The following FOXA3 variants were observed in gnomAD, a reference collection of about 807,000 sequenced individuals.
The protein encoded by FOXA3 is forkhead box A3, also known as hepatocyte nuclear factor 3-gamma.
FOXA3 carries 11 observed loss-of-function variants against 16.9 expected under a neutral mutation model. The ratio of observed to expected loss-of-function variants is 0.65; its 90% CI spans 0.41 to 1.08. The LOEUF is 1.08. Among genes scored for constraint, FOXA3 ranks in the 50% least tolerant of loss-of-function variants. The pLI, the probability that FOXA3 is intolerant of heterozygous loss-of-function variation, is 0.00. For synonymous variants in FOXA3, 217 were observed against 203.3 expected, an observed-to-expected ratio of 1.07 and a Z score of -0.57; for missense variants, 423 against 470.1, an observed-to-expected ratio of 0.90 and a Z score of 0.93.
At chr19:45,870,676 C>T (rs1966896597) in intron 1 of FOXA3, among the ~76,000 whole-genome samples, 1 of 150,272 alleles carries the variant, frequency 6.7e-6, no homozygotes, top group Non-Finnish European at 1.5e-5. Flanking sequence ...CTCAAGCGAT[C>T]CTCCTGCCTC....
In FOXA3 at chr19:45,872,439, A is replaced by G. The variant is rs751423514; in HGVS notation, c.434A>G (p.Gln145Arg). The change falls in exon 2 of 2, where the codon CAG becomes CGG. Residue 145 changes from glutamine to arginine, a missense_variant. Gln to Arg is a conservative substitution (Grantham distance 43). Around this residue, in one of 3 missense-constraint regions of FOXA3, gnomAD observed 85 missense variants for 136.9 expected, o/e 0.62. Transcript: ENST00000302177. This position sits in a 1 kb window ranked among gnomAD's most constrained non-coding sequence, Gnocchi z 4.5. ...ATGCTGACCTTGAGTGAAATCTACC[A>G]GTGGATCATGGACCTCTTCCCTTAC... ...GKMLTLSEIY[Q>R]WIMDLFPYYR... 6.8e-6 allele frequency: 11 copies of G among 1,614,090 alleles called. No individual in the cohort carries two copies. Among genetic ancestry groups the G allele is most frequent in the Non-Finnish European group, 9.3e-6 (11 of 1,180,038 alleles).
intron 1 of FOXA3, among the ~76,000 whole-genome samples, chr19:45,868,033 C>T (rs957619416): frequency 3.0e-5 from 4 of 134,392 alleles, no homozygotes; most frequent in Admixed American, 1.5e-4. Context: ...GAAAACAATG[C>T]GGGGGTGGGG....
intron 1 of FOXA3, among the ~76,000 whole-genome samples, chr19:45,871,493 G>A (rs1258995648): frequency 1.3e-5 from 2 of 151,304 alleles, no homozygotes; most frequent in Non-Finnish European, 2.9e-5. Context: ...TTGGGAGGCC[G>A]AGGCGGGCAG....
rs1005769337 is a variant in FOXA3, at chr19:45,872,631, G to A, written c.626G>A (p.Arg209His). ...TTTGAGAATGGCTGCTACCTGCGCC[G>A]CCAGAAACGCTTCAAGCTGGAGGAG... ...NMFENGCYLR[R>H]QKRFKLEEKV... is the part of the protein sequence containing the mutation. Residue 209 changes from arginine to histidine, a missense_variant, in exon 2 of 2, where the codon CGC becomes CAC. By Grantham distance (29) the Arg-to-His change is conservative. This residue lies in a region of FOXA3 where 85 missense variants were observed against 136.9 expected (regional missense o/e 0.62). Transcript: ENST00000302177. This position sits in a 1 kb window ranked among gnomAD's most constrained non-coding sequence, Gnocchi z 4.5. 8.1e-6 allele frequency: 13 copies of A among 1,613,638 alleles called. No homozygotes were observed. The highest frequency in any genetic ancestry group is 1.1e-5 in the South Asian group (1 of 91,068).
At chr19:45,871,327 C>A (rs1056612660) in intron 1 of FOXA3, among the ~76,000 whole-genome samples, 1 of 152,086 alleles carries the variant, frequency 6.6e-6, no homozygotes, top group Non-Finnish European at 1.5e-5. Context: ...CAGTGGAAGA[C>A]AGCTGGATTC....
intron 1 of FOXA3, among the ~76,000 whole-genome samples, chr19:45,865,763 G>A (rs1972079148): frequency 6.6e-6 from 1 of 152,056 alleles, no homozygotes; most frequent in African/African-American, 2.4e-5. Context: ...TGGGTTTGGG[G>A]AGGTGTGAGG....
chr19:45,868,162 G>A (rs1470947046), intron 1 of FOXA3, among the ~76,000 whole-genome samples: 1 of 152,072 alleles, frequency 6.6e-6, no homozygotes. Flanking sequence ...GACATGAAAA[G>A]GAAAGAGCAG....
intron 1 of FOXA3, among the ~76,000 whole-genome samples, chr19:45,867,851 GGAGTGGGGTA>G (rs1296265931): frequency 6.6e-6 from 1 of 151,300 alleles, no homozygotes; most frequent in African/African-American, 2.4e-5. Flanking sequence ...GGTTGGGAGG[GGAGTGGGGTA>G]GAGTCGGATA....
chr19:45,865,194 C>T (rs535193477), intron 1 of FOXA3, among the ~76,000 whole-genome samples: 5 of 151,984 alleles, frequency 3.3e-5, no homozygotes, highest in African/African-American at 1.2e-4. Context: ...GGAGAGGGGC[C>T]GATCTCCACC....
At chr19:45,870,232 T>G (rs1224998969) in intron 1 of FOXA3, among the ~76,000 whole-genome samples, 1 of 148,996 alleles carries the variant, frequency 6.7e-6, no homozygotes, top group Non-Finnish European at 1.5e-5. Flanking sequence ...TGCAGTGGCA[T>G]GATCTCAGCT....
At chr19:45,871,299 T>C (rs11669442) in intron 1 of FOXA3, among the ~76,000 whole-genome samples, 49,609 of 151,948 alleles carry the variant, frequency 0.33, 8,262 homozygotes, top group Middle Eastern at 0.36. Context: ...TTTCCATTTT[T>C]GCAAATCAAG....
intron 1 of FOXA3, among the ~76,000 whole-genome samples, chr19:45,870,164 TATA>T (rs1966892058): frequency 7.0e-6 from 1 of 142,964 alleles, no homozygotes; most frequent in Non-Finnish European, 1.5e-5. Flanking sequence ...ATTACAGAGT[TATA>T]ATAACTTTTT....
In FOXA3 at chr19:45,873,405, G is replaced by T; in HGVS notation, c.*347G>T. On this transcript the variant is annotated 3_prime_UTR_variant, in exon 2 of 2. Coordinates refer to ENST00000302177, the MANE Select transcript of FOXA3 (RefSeq NM_004497.3). ...CATCTTCTTTGGCCCCCCCCATTAG[G>T]TGCTGTGCCCACTTCTTTTTTGGTG... 2.9e-6 allele frequency: 1 copy of T among 345,302 alleles called. No individual in the cohort carries two copies. The highest frequency in any genetic ancestry group is 5.5e-6 in the Non-Finnish European group (1 of 182,646). The allele number at this position is 345,302 out of a possible 1,614,324, so 21.4% of individuals were successfully genotyped here.
At chr19:45,865,241 C>T (rs907236415) in intron 1 of FOXA3, among the ~76,000 whole-genome samples, 1 of 152,072 alleles carries the variant, frequency 6.6e-6, no homozygotes, top group Non-Finnish European at 1.5e-5. Flanking sequence ...CAGGGACTCC[C>T]CAAGTCGGAA....
intron 1 of FOXA3, among the ~76,000 whole-genome samples, chr19:45,866,985 A>G (rs988258048): frequency 3.3e-5 from 5 of 152,062 alleles, no homozygotes; most frequent in Admixed American, 2.0e-4. Context: ...CTTCCCCCCA[A>G]TCTCAGCCCC....
Position 45,872,640 on chromosome 19 carries a change from G to T in FOXA3, c.635G>T (p.Arg212Leu), listed in dbSNP as rs1018297057. The T allele has an allele frequency of 6.2e-7, 1 of 1,613,606 alleles. No homozygotes were observed. Among genetic ancestry groups the T allele is most frequent in the African/African-American group, 1.3e-5 (1 of 74,906 alleles). Residue 212 changes from arginine (R) to leucine (L), a missense_variant, in exon 2 of 2, where the codon CGC becomes CTC. Coordinates refer to ENST00000302177, the MANE Select transcript of FOXA3 (RefSeq NM_004497.3). This position sits in a 1 kb window ranked among gnomAD's most constrained non-coding sequence, Gnocchi z 4.5. ...ENGCYLRRQK[R>L]FKLEEKVKKG... ...GGCTGCTACCTGCGCCGCCAGAAAC[G>T]CTTCAAGCTGGAGGAGAAGGTGAAA...
intron 1 of FOXA3, among the ~76,000 whole-genome samples, chr19:45,869,817 G>C (rs1219553774): frequency 1.3e-5 from 2 of 149,546 alleles, no homozygotes; most frequent in African/African-American, 4.9e-5. Context: ...ACAGAGTCTT[G>C]CTCTGTCGCC....
At position 45,871,927 on chromosome 19, in the gene FOXA3, G is replaced by C. The variant is rs966892712; in HGVS notation, c.70-148G>C. 8.9e-6 allele frequency: 7 copies of C among 785,012 alleles called. No individual in the cohort carries two copies. The African/African-American group carries it at 1.0e-4, about 12-fold the overall frequency. The allele number at this position is 785,012 out of a possible 1,614,324, so 48.6% of individuals were successfully genotyped here. On this transcript the variant is annotated intron_variant, in intron 1 of 1. Coordinates refer to ENST00000302177, the MANE Select transcript of FOXA3 (RefSeq NM_004497.3). ...CAGGGAGTGAGGAGAGACCTTGAGA[G>C]ACTGCTTTCTACAGATAGAGGTAAT...
chr19:45,872,147 T>G lies in FOXA3; in HGVS notation c.142T>G (p.Ser48Ala). The G allele has an allele frequency of 6.3e-7, 1 of 1,593,254 alleles. No homozygotes were observed. Among genetic ancestry groups the G allele is most frequent in the Non-Finnish European group, 8.5e-7 (1 of 1,170,050 alleles). The part of the protein sequence containing the change: ...NSYMTLNPLS[S>A]PYPPGGLPAS... ...CTACATGACCCTGAATCCTCTAAGC[T>G]CTCCCTATCCCCCTGGGGGGCTCCC... Residue 48 changes from serine (S) to alanine (A), a missense_variant, in exon 2 of 2, where the codon TCT becomes GCT. Physicochemically the swap from Ser to Ala is moderately conservative, Grantham distance 99 (BLOSUM62 1). This residue lies in a region of FOXA3 where 170 missense variants were observed against 153.9 expected (regional missense o/e 1.10). Coordinates refer to ENST00000302177, the MANE Select transcript of FOXA3 (RefSeq NM_004497.3). This position sits in a 1 kb window ranked among gnomAD's most constrained non-coding sequence, Gnocchi z 4.5.
Sources: gnomAD v4.1 joint callset for allele counts (sites outside exome capture counted in the v4.1 genomes callset) on GRCh38, gnomAD v4.1.1 for gene constraint, gnomAD v4.1.1 regional missense constraint, Gnocchi (gnomAD v3.1) non-coding constraint, MANE v1.5 for transcripts, NCBI Gene and HGNC (gene_info 2026-07-23, HGNC 2026-07-21) for gene names.